ANKHD1: variants seen among roughly 807,000 people sequenced by gnomAD.
ANKHD1 encodes the protein ankyrin repeat and KH domain containing 1.
In ANKHD1, 31 loss-of-function variants were observed where a neutral mutation model predicts 230.5. The ratio of observed to expected loss-of-function variants is 0.13; its 90% confidence interval spans 0.10 to 0.18. ANKHD1 has a LOEUF of 0.18. Ranked by LOEUF, ANKHD1 falls within the 10% of genes least tolerant of loss-of-function variation. ANKHD1 has a pLI of 1.00. For synonymous variants in ANKHD1, 1,074 were observed against 1,117.6 expected, an observed-to-expected ratio of 0.96 and a Z score of 0.78; for missense variants, 2,256 against 3,071.3, an observed-to-expected ratio of 0.73 and a Z score of 6.27.
At chr5:140,428,211 G>A (rs1374340547) in intron 1 of ANKHD1, among the ~76,000 whole-genome samples, 3 of 151,964 alleles carry the variant, frequency 2.0e-5, no homozygotes, top group Non-Finnish European at 4.4e-5. Flanking sequence ...AGGCAGAGAC[G>A]CTCCTCACTT....
In ANKHD1 at chr5:140,539,499, C is replaced by G; in HGVS notation, c.*81C>G. 1 of 1,478,400 alleles carries G rather than the reference C, an allele frequency of 6.8e-7. No individual in the cohort carries two copies. The highest frequency in any genetic ancestry group is 2.3e-5 in the East Asian group (1 of 43,232). 91.6% of individuals were successfully genotyped at this position (1,478,400 alleles called of 1,614,324 possible). ...CCATGGGGATTTTTTTTTAATGTGC[C>G]TAAGAAATTTTCTCTGAGGCTTTAG... On this transcript the variant is annotated 3_prime_UTR_variant, in exon 34 of 34. Coordinates refer to ENST00000360839, the MANE Select transcript of ANKHD1 (RefSeq NM_017747.3).
At chr5:140,537,763 G>A (rs1754146719) in intron 31 of ANKHD1, 174 bp downstream of exon 31, 1 of 1,110,642 alleles carries the variant, frequency 9.0e-7, no homozygotes, top group Middle Eastern at 2.8e-4. Flanking sequence ...TCAGAGTCTG[G>A]AATATTGGTT....
intron 1 of ANKHD1, among the ~76,000 whole-genome samples, chr5:140,414,589 T>C (rs1271120092): frequency 1.3e-5 from 2 of 152,152 alleles, no homozygotes; most frequent in East Asian, 3.8e-4. Flanking sequence ...CCCAGCACTT[T>C]GGGAGGCTGA....
chr5:140,499,019 A>T (rs1362440941), intron 15 of ANKHD1, among the ~76,000 whole-genome samples: 2 of 152,076 alleles, frequency 1.3e-5, no homozygotes, highest in Non-Finnish European at 2.9e-5. Flanking sequence ...TAATATAAAC[A>T]AAATTTAATT....
intron 1 of ANKHD1, among the ~76,000 whole-genome samples, chr5:140,414,385 C>T (rs189924988): frequency 6.6e-6 from 1 of 152,192 alleles, no homozygotes; most frequent in East Asian, 1.9e-4. Context: ...TTGATAATAG[C>T]AATTCTAATG....
intron 4 of ANKHD1, 132 bp downstream of exon 4, chr5:140,440,398 G>A: frequency 1.5e-6 from 2 of 1,318,840 alleles, no homozygotes; most frequent in Non-Finnish European, 2.0e-6. Context: ...TCCCTTTTTG[G>A]TAGTGGGTAA....
At chr5:140,430,652 CTTT>C (rs34643827) in intron 1 of ANKHD1, among the ~76,000 whole-genome samples, 14 of 114,684 alleles carry the variant, frequency 1.2e-4, no homozygotes, top group South Asian at 3.1e-4. Context: ...TGGTTTCCAT[CTTT>C]TTTTTTTTTT....
chr5:140,539,185 A>T, intron 33 of ANKHD1, 102 bp downstream of exon 33: 1 of 1,511,428 alleles, frequency 6.6e-7, no homozygotes. Flanking sequence ...ATAATTGACC[A>T]TTTCGATCTG....
intron 1 of ANKHD1, among the ~76,000 whole-genome samples, chr5:140,415,934 C>T (rs112311516): frequency 1.0e-3 from 154 of 152,038 alleles, no homozygotes; most frequent in Non-Finnish European, 1.5e-3. Flanking sequence ...CTATCCCTTC[C>T]CCCTCCCCTG....
At chr5:140,526,522 C>T (rs1753612378) in intron 26 of ANKHD1, 79 bp downstream of exon 26, 1 of 1,491,704 alleles carries the variant, frequency 6.7e-7, no homozygotes, top group South Asian at 1.4e-5. Context: ...GTATATTAAT[C>T]CAAGTACAAG....
At chr5:140,466,748 C>T (rs1464937560) in intron 10 of ANKHD1, among the ~76,000 whole-genome samples, 2 of 152,132 alleles carry the variant, frequency 1.3e-5, no homozygotes, top group African/African-American at 2.4e-5. Flanking sequence ...GAATTCGAGA[C>T]CAGCCTGGCC....
chr5:140,538,456 T>A (rs1754171082), intron 32 of ANKHD1, among the ~76,000 whole-genome samples, 195 bp downstream of exon 32: 2 of 152,188 alleles, frequency 1.3e-5, no homozygotes. Flanking sequence ...CGAAAACACC[T>A]GAGGGATTTG....
At chr5:140,497,308 T>C in intron 15 of ANKHD1, 30 bp downstream of exon 15, 1 of 1,559,416 alleles carries the variant, frequency 6.4e-7, no homozygotes, top group Non-Finnish European at 8.6e-7. Context: ...TGTAATAATT[T>C]CTCTTTAATC....
chr5:140,425,113 A>G (rs770351644), intron 1 of ANKHD1, among the ~76,000 whole-genome samples: 4 of 152,194 alleles, frequency 2.6e-5, no homozygotes, highest in African/African-American at 4.8e-5. Flanking sequence ...TGTTAAAGCT[A>G]TAGTTTAAAA....
Position 140,539,498 on chromosome 5 carries a change from C to A in ANKHD1, c.*80C>A. On this transcript the variant is annotated 3_prime_UTR_variant, in exon 34 of 34. Coordinates refer to ENST00000360839, the MANE Select transcript of ANKHD1 (RefSeq NM_017747.3). Reference sequence around the variant, plus strand: ...ACCATGGGGATTTTTTTTTAATGTGCCTAAGAAATTTTCTCTGAGGCTTTA... The same window carrying A: ...ACCATGGGGATTTTTTTTTAATGTGACTAAGAAATTTTCTCTGAGGCTTTA... The A allele has an allele frequency of 1.4e-6, 2 of 1,479,416 alleles. No homozygotes were observed. Among genetic ancestry groups the A allele is most frequent in the South Asian group, 1.3e-5 (1 of 78,410 alleles). The allele number at this position is 1,479,416 out of a possible 1,614,324, so 91.6% of individuals were successfully genotyped here. A position where few individuals can be genotyped will look rare whatever the true frequency, so the allele number is the denominator to read the frequency against.
chr5:140,432,369 A>T (rs535092039), intron 1 of ANKHD1, among the ~76,000 whole-genome samples: 1 of 152,242 alleles, frequency 6.6e-6, no homozygotes, highest in South Asian at 2.1e-4. Flanking sequence ...CTTTCACTAA[A>T]CATAATGTTT....
At chr5:140,538,016 A>G (rs1247823656) in intron 31 of ANKHD1, 70 bp from the exon 32 acceptor site, 1 of 1,529,172 alleles carries the variant, frequency 6.5e-7, no homozygotes, top group Non-Finnish European at 8.8e-7. Flanking sequence ...ATGTTTGGTA[A>G]TAACAATGGT....
intron 1 of ANKHD1, among the ~76,000 whole-genome samples, chr5:140,432,586 A>T (rs1435373595): frequency 1.3e-5 from 2 of 152,232 alleles, no homozygotes; most frequent in Non-Finnish European, 2.9e-5. Flanking sequence ...CTAGGTATAT[A>T]CCTAAGAAGT....
chr5:140,401,860 C>T lies in ANKHD1; in HGVS notation c.-108C>T. On this transcript the variant is annotated 5_prime_UTR_variant, in exon 1 of 34. It adds an upstream start codon to the 5' untranslated region. Coordinates refer to ENST00000360839, the MANE Select transcript of ANKHD1 (RefSeq NM_017747.3). ...TGAGAAGTTAGTGGCGCTGCTGGGA[C>T]GGGGGAAAGGAGACGCTTCTTCCTC... The T allele has an allele frequency of 2.1e-6, 3 of 1,412,638 alleles. No homozygotes were observed. Among genetic ancestry groups the T allele is most frequent in the Non-Finnish European group, 2.8e-6 (3 of 1,086,402 alleles). 87.5% of individuals were successfully genotyped at this position (1,412,638 alleles called of 1,614,324 possible).
Sources: allele counts gnomAD v4.1 joint callset (sites outside exome capture counted in the v4.1 genomes callset), GRCh38; gene constraint gnomAD v4.1.1; transcripts MANE v1.5; gene names NCBI Gene and HGNC (gene_info 2026-07-23, HGNC 2026-07-21).